LRRTM4: variants seen among roughly 807,000 people sequenced by gnomAD.
LRRTM4 encodes leucine rich repeat transmembrane neuronal 4.
LRRTM4 carries 25 observed loss-of-function variants against 47.6 expected under a neutral mutation model. That is an observed-to-expected ratio of 0.53 (90% CI 0.38 to 0.73). The LOEUF (loss-of-function observed/expected upper bound fraction) is 0.73. Among genes scored for constraint, LRRTM4 ranks in the 30% least tolerant of loss-of-function variants. The pLI, the probability that LRRTM4 is intolerant of heterozygous loss-of-function variation, is 0.00. For missense variants in LRRTM4, 638 were observed against 713.4 expected (o/e 0.89, Z 1.20); for synonymous variants, 311 against 269.5 (o/e 1.15, Z -1.51).
At chr2:77,397,266 T>A (rs1317468466) in intron 3 of LRRTM4, among the ~76,000 whole-genome samples, 108 of 151,906 alleles carry the variant, frequency 7.1e-4, no homozygotes. Flanking sequence ...TCAGGTTTTC[T>A]GATTACATAT....
intron 3 of LRRTM4, among the ~76,000 whole-genome samples, chr2:76,781,373 G>A (rs1050160046): frequency 6.6e-6 from 1 of 152,350 alleles, no homozygotes; most frequent in Non-Finnish European, 1.5e-5. Context: ...CTTGCAGTTT[G>A]ATCTCAGACT....
At chr2:76,784,693 C>G (rs1440591461) in intron 3 of LRRTM4, among the ~76,000 whole-genome samples, 1 of 152,012 alleles carries the variant, frequency 6.6e-6, no homozygotes, top group African/African-American at 2.4e-5. Context: ...TTCCTAAGTT[C>G]TTATTAATAT....
intron 3 of LRRTM4, among the ~76,000 whole-genome samples, chr2:77,036,710 T>C (rs1278114570): frequency 6.6e-6 from 1 of 151,742 alleles, no homozygotes; most frequent in East Asian, 1.9e-4. Flanking sequence ...TTGGCCTTAG[T>C]TAGCTTGGCT....
chr2:77,083,353 T>C (rs1176460490), intron 3 of LRRTM4, among the ~76,000 whole-genome samples: 1 of 152,148 alleles, frequency 6.6e-6, no homozygotes, highest in Non-Finnish European at 1.5e-5. Flanking sequence ...ATATCCCAAA[T>C]TCTCAGGGAT....
intron 3 of LRRTM4, among the ~76,000 whole-genome samples, chr2:76,787,326 A>G (rs1350812429): frequency 6.6e-6 from 1 of 152,114 alleles, no homozygotes; most frequent in Non-Finnish European, 1.5e-5. Context: ...TATTACTGGC[A>G]ACTTCCTGGT....
intron 3 of LRRTM4, among the ~76,000 whole-genome samples, chr2:77,298,908 C>T (rs1677046417): frequency 6.6e-6 from 1 of 151,994 alleles, no homozygotes; most frequent in Non-Finnish European, 1.5e-5. Flanking sequence ...TAATTCTAAC[C>T]TCCTAGTGAC....
chr2:76,994,147 C>A (rs10190209), intron 3 of LRRTM4, among the ~76,000 whole-genome samples: 2,057 of 151,874 alleles, frequency 0.014, 55 homozygotes, highest in African/African-American at 0.047. Flanking sequence ...AACTGAAAAA[C>A]TACCTATTGA....
At chr2:77,038,652 T>G (rs1044383211) in intron 3 of LRRTM4, among the ~76,000 whole-genome samples, 2 of 151,518 alleles carry the variant, frequency 1.3e-5, no homozygotes, top group Non-Finnish European at 3.0e-5. Flanking sequence ...CATAACAACT[T>G]CTTGTCCCCT....
At chr2:77,362,170 A>AAAGGAAGGAAGG (rs1553434339) in intron 3 of LRRTM4, among the ~76,000 whole-genome samples, 1,982 of 133,212 alleles carry the variant, frequency 0.015, 63 homozygotes, top group East Asian at 0.042. Context: ...AGAAAGAAAG[A>AAAGGAAGGAAGG]AAGGAAGGAA....
intron 3 of LRRTM4, among the ~76,000 whole-genome samples, chr2:77,421,064 G>T (rs1247550609): frequency 6.6e-6 from 1 of 151,492 alleles, no homozygotes; most frequent in Non-Finnish European, 1.5e-5. Context: ...AAGGCCACTA[G>T]AGGTATCAAA....
At chr2:77,190,270 T>C (rs1673629915) in intron 3 of LRRTM4, among the ~76,000 whole-genome samples, 1 of 151,104 alleles carries the variant, frequency 6.6e-6, no homozygotes, top group Non-Finnish European at 1.5e-5. Flanking sequence ...TCCCAGGTTG[T>C]TCTAAACAGA....
intron 3 of LRRTM4, among the ~76,000 whole-genome samples, chr2:76,938,140 A>G (rs1675020544): frequency 6.6e-6 from 1 of 152,048 alleles, no homozygotes; most frequent in South Asian, 2.1e-4. Context: ...TGGTAGTTGC[A>G]CATTATTAGT....
At chr2:77,178,733 T>C (rs1673268947) in intron 3 of LRRTM4, among the ~76,000 whole-genome samples, 1 of 152,260 alleles carries the variant, frequency 6.6e-6, no homozygotes, top group South Asian at 2.1e-4. Context: ...TAATGTTTTA[T>C]TATTGCAAAC....
intron 3 of LRRTM4, among the ~76,000 whole-genome samples, chr2:77,330,101 C>G (rs535629437): frequency 1.3e-5 from 2 of 152,000 alleles, no homozygotes; most frequent in South Asian, 4.2e-4. Flanking sequence ...TTGGCTGGAA[C>G]CTTGGATGAT....
chr2:76,853,016 G>C (rs901990298), intron 3 of LRRTM4, among the ~76,000 whole-genome samples: 1 of 152,140 alleles, frequency 6.6e-6, no homozygotes, highest in African/African-American at 2.4e-5. Flanking sequence ...CTGTGTACTA[G>C]AGCAGGTAGA....
intron 3 of LRRTM4, among the ~76,000 whole-genome samples, chr2:77,002,977 G>A (rs1182814791): frequency 2.7e-5 from 4 of 149,800 alleles, no homozygotes; most frequent in Non-Finnish European, 5.9e-5. Context: ...ACAGAGCAAG[G>A]AACTTATTTG....
chr2:77,244,216 TGCC>T (rs2103997239), intron 3 of LRRTM4, among the ~76,000 whole-genome samples: 1 of 139,688 alleles, frequency 7.2e-6, no homozygotes, highest in East Asian at 2.0e-4. Flanking sequence ...TTGTGAATAA[TGCC>T]GCAATAAACA....
At chr2:77,038,360 T>G (rs1473124937) in intron 3 of LRRTM4, among the ~76,000 whole-genome samples, 571 of 151,762 alleles carry the variant, frequency 3.8e-3, no homozygotes, top group African/African-American at 0.013. Flanking sequence ...TTAGGCATGT[T>G]AAGCTAACTG....
chr2:77,088,704 C>A (rs1680814711), intron 3 of LRRTM4, among the ~76,000 whole-genome samples: 1 of 152,192 alleles, frequency 6.6e-6, no homozygotes, highest in African/African-American at 2.4e-5. Flanking sequence ...GATCAGGGGA[C>A]TTCCCCTAGG....
Sources: gnomAD v4.1 joint callset for allele counts (sites outside exome capture counted in the v4.1 genomes callset) on GRCh38, gnomAD v4.1.1 for gene constraint, MANE v1.5 for transcripts, NCBI Gene and HGNC (gene_info 2026-07-23, HGNC 2026-07-21) for gene names.